The following SEMA5B variants were observed in gnomAD, a reference collection of about 807,000 sequenced individuals.
SEMA5B encodes semaphorin 5B.
In SEMA5B, 66 loss-of-function variants were observed where a neutral mutation model predicts 135.0. The ratio of observed to expected loss-of-function variants is 0.49; its 90% confidence interval spans 0.40 to 0.60. SEMA5B has a LOEUF of 0.60. SEMA5B is among the 20% of genes least tolerant of loss of function. The pLI is 0.00. For missense variants in SEMA5B, 1,501 were observed against 1,566.3 expected, an observed-to-expected ratio of 0.96 and a Z score of 0.70; for synonymous variants, 690 against 639.5, an observed-to-expected ratio of 1.08 and a Z score of -1.19.
chr3:123,011,057 T>G (rs1287110748), intron 1 of SEMA5B, among the ~76,000 whole-genome samples: 1 of 152,138 alleles, frequency 6.6e-6, no homozygotes, highest in African/African-American at 2.4e-5. Context: ...AGGCCATTCT[T>G]GAGCACACAG....
chr3:122,964,801 C>T (rs1197160088), intron 1 of SEMA5B, among the ~76,000 whole-genome samples: 1 of 152,220 alleles, frequency 6.6e-6, no homozygotes. Flanking sequence ...GTGAAGGAGA[C>T]AGAGAAGAGA....
In SEMA5B at chr3:122,948,689, G is replaced by A. The variant is rs376651066; in HGVS notation, c.145C>T (p.Pro49Ser). 2.6e-5 allele frequency: 41 copies of A among 1,605,496 alleles called. No homozygotes were observed. The African/African-American group carries it at 4.8e-4, about 19-fold the overall frequency. Residue 49 changes from proline to serine, a missense_variant, in exon 3 of 23, where the codon CCC becomes TCC. Physicochemically the swap from Pro to Ser is moderately conservative, Grantham distance 74 (BLOSUM62 -1). Coordinates refer to ENST00000357599, the MANE Select transcript of SEMA5B (RefSeq NM_001031702.4). ...GGCCCCTCTGCAGTCCTAGCTCCGG[G>A]AGGCAGACAGGGGAGAAGACCTGCA... is the stretch of plus-strand genomic sequence containing the variant. ...LVRGLLPCLP[P>S]GARTAEGPIM... is the part of the protein sequence containing the mutation.
chr3:122,911,677 C>T (rs1937717673), intron 20 of SEMA5B, 142 bp from the exon 21 acceptor site: 1 of 996,274 alleles, frequency 1.0e-6, no homozygotes. Flanking sequence ...CATTCCCCTC[C>T]CTCTCTCCTC....
chr3:122,965,605 C>CT (rs1373407680), intron 1 of SEMA5B, among the ~76,000 whole-genome samples: 12 of 152,254 alleles, frequency 7.9e-5, no homozygotes, highest in Non-Finnish European at 1.2e-4. Flanking sequence ...CCAGCAGCTG[C>CT]TGCCACTTCC....
At chr3:122,995,545 C>T (rs1942004386) in intron 1 of SEMA5B, among the ~76,000 whole-genome samples, 1 of 152,198 alleles carries the variant, frequency 6.6e-6, no homozygotes, top group African/African-American at 2.4e-5. Context: ...ACATGGTTTA[C>T]ATCCTGAAGC....
At chr3:122,979,663 AT>A (rs1405465211) in intron 1 of SEMA5B, among the ~76,000 whole-genome samples, 4 of 152,112 alleles carry the variant, frequency 2.6e-5, no homozygotes, top group African/African-American at 7.2e-5. Context: ...CCAGGTAGAT[AT>A]TTCATCTCAC....
At position 122,909,970 on chromosome 3, in the gene SEMA5B, C is replaced by T; in HGVS notation, c.*173G>A. On this transcript the variant is annotated 3_prime_UTR_variant, in exon 23 of 23. Transcript: ENST00000357599. ...TGTCAGCCTGAAACCAGCCCTTTCCCCCATGGTCAATGCCAGCCAGAGCTC... is the reference window on the plus strand; with the variant it reads ...TGTCAGCCTGAAACCAGCCCTTTCCTCCATGGTCAATGCCAGCCAGAGCTC... The T allele has an allele frequency of 1.5e-6, 1 of 663,132 alleles. No individual in the cohort carries two copies. The highest frequency in any genetic ancestry group is 2.6e-6 in the Non-Finnish European group (1 of 389,496). 41.1% of individuals were successfully genotyped at this position (663,132 alleles called of 1,614,324 possible).
At chr3:122,919,395 G>A (rs910416190) in intron 12 of SEMA5B, among the ~76,000 whole-genome samples, 10 of 152,188 alleles carry the variant, frequency 6.6e-5, no homozygotes, top group East Asian at 5.8e-4. Context: ...TGGGAGCACT[G>A]ATCTCTCTCT....
rs1426525365 is a variant in SEMA5B, at chr3:122,961,258, G to A, written c.6C>T (p.Pro2=). M[P]CGFSPSPVAH... ...CAACAGGAGACGGACTGAAGCCACAGGGCATCCAAGAGACACAGGCCAGGC... is the reference window on the plus strand; with the variant it reads ...CAACAGGAGACGGACTGAAGCCACAAGGCATCCAAGAGACACAGGCCAGGC... Residue 2 remains proline, a synonymous_variant, in exon 2 of 23, where the codon CCC becomes CCT. Coordinates refer to ENST00000357599, the MANE Select transcript of SEMA5B (RefSeq NM_001031702.4). 1 of 1,614,058 alleles carries A rather than the reference G, an allele frequency of 6.2e-7. No homozygotes were observed. Among genetic ancestry groups the A allele is most frequent in the African/African-American group, 1.3e-5 (1 of 75,040 alleles).
At chr3:122,943,615 A>T in intron 3 of SEMA5B, 80 bp from the exon 4 acceptor site, 1 of 1,069,452 alleles carries the variant, frequency 9.4e-7, no homozygotes, top group Non-Finnish European at 1.4e-6. Flanking sequence ...ACAGAACAGA[A>T]GGGTGAAAGT....
chr3:122,923,853 G>A (rs1938495588), intron 9 of SEMA5B, 101 bp from the exon 10 acceptor site: 20 of 1,358,078 alleles, frequency 1.5e-5, no homozygotes, highest in Non-Finnish European at 2.0e-5. Context: ...CCAAGGCTCT[G>A]TAAGCATCTA....
chr3:122,979,025 CAG>C (rs1379606565), intron 1 of SEMA5B, among the ~76,000 whole-genome samples: 1 of 152,076 alleles, frequency 6.6e-6, no homozygotes, highest in Non-Finnish European at 1.5e-5. Flanking sequence ...GAAGGCGGTT[CAG>C]AGAGGGAGAC....
chr3:122,939,316 T>C (rs1939449634), intron 5 of SEMA5B, 109 bp downstream of exon 5: 1 of 859,438 alleles, frequency 1.2e-6, no homozygotes, highest in Non-Finnish European at 2.0e-6. Context: ...AAGTGGCTCC[T>C]GTTTTCAACT....
At chr3:122,964,346 GATGGGAGGACACACGTTTCTT>G (rs1215184365) in intron 1 of SEMA5B, among the ~76,000 whole-genome samples, 7 of 152,324 alleles carry the variant, frequency 4.6e-5, no homozygotes, top group Admixed American at 4.6e-4. Flanking sequence ...GGCAGAGGAG[GATGGGAGGACACACGTTTCTT>G]CTGGGTAGGA....
At position 122,911,920 on chromosome 3, in the gene SEMA5B, C is replaced by A. The variant is rs375573205; in HGVS notation, c.3046G>T (p.Val1016Phe). 6.9e-6 allele frequency: 11 copies of A among 1,594,118 alleles called. No individual in the cohort carries two copies. Among genetic ancestry groups the A allele is most frequent in the African/African-American group, 1.3e-5 (1 of 74,476 alleles). Residue 1016 changes from valine to phenylalanine, a missense_variant and splice_region_variant, in exon 20 of 23, where the codon GTC becomes TTC. Val to Phe is a conservative substitution (Grantham distance 50). This residue lies in a region of SEMA5B where 927 missense variants were observed against 881.6 expected (regional missense o/e 1.05). Transcript: ENST00000357599. ...SRPCPYSEIP[V>F]ILPASSMEEA... ...CGCAGGTGCTGGCAGGGGTACCTACCGGGAATCTCGCTGTAGGGGCAGGGG... is the reference window on the plus strand; with the variant it reads ...CGCAGGTGCTGGCAGGGGTACCTACAGGGAATCTCGCTGTAGGGGCAGGGG...
chr3:122,915,839 T>C lies in SEMA5B; in HGVS notation c.1740A>G (p.Gln580=). Reference sequence around the variant, plus strand: ...AGCTGTCCTCGAGTGTGCTGCAACGTTGCTGCTTCCCGTCCCAGCCACAGT... The same window carrying C: ...AGCTGTCCTCGAGTGTGCTGCAACGCTGCTGCTTCCCGTCCCAGCCACAGT... ...DPYCGWDGKQ[Q]RCSTLEDSSN... The change falls in exon 13 of 23, where the codon CAA becomes CAG. Residue 580 remains glutamine (Q), a synonymous_variant. Transcript: ENST00000357599. The C allele has an allele frequency of 6.2e-7, 1 of 1,614,072 alleles. No homozygotes were observed. Among genetic ancestry groups the C allele is most frequent in the South Asian group, 1.1e-5 (1 of 91,078 alleles).
intron 1 of SEMA5B, among the ~76,000 whole-genome samples, chr3:123,018,305 G>A (rs1348955610): frequency 6.6e-6 from 1 of 152,224 alleles, no homozygotes; most frequent in African/African-American, 2.4e-5. Flanking sequence ...TTTTCACTCT[G>A]GGCTCTTCTG....
intron 1 of SEMA5B, among the ~76,000 whole-genome samples, chr3:122,994,427 A>C (rs752657218): frequency 7.9e-5 from 12 of 152,178 alleles, no homozygotes; most frequent in Non-Finnish European, 1.8e-4. Flanking sequence ...AACGAGTACA[A>C]AAGTGATTAC....
intron 1 of SEMA5B, among the ~76,000 whole-genome samples, chr3:122,997,159 G>A (rs1038989015): frequency 6.6e-6 from 1 of 152,148 alleles, no homozygotes; most frequent in Non-Finnish European, 1.5e-5. Context: ...CAGTGCAGTG[G>A]GCACTGCCAT....
Sources: gnomAD v4.1 joint callset for allele counts (sites outside exome capture counted in the v4.1 genomes callset) on GRCh38, gnomAD v4.1.1 for gene constraint, gnomAD v4.1.1 regional missense constraint, MANE v1.5 for transcripts, NCBI Gene and HGNC (gene_info 2026-07-23, HGNC 2026-07-21) for gene names.